EYA3: variants seen among roughly 807,000 people sequenced by gnomAD.
EYA3 encodes the protein EYA transcriptional coactivator and phosphatase 3.
EYA3 carries 39 observed loss-of-function variants against 80.0 expected under a neutral mutation model. The observed-to-expected ratio is 0.49, with a 90% CI of 0.38 to 0.64. The LOEUF (loss-of-function observed/expected upper bound fraction) is 0.64, where lower values mean the gene tolerates loss of function less well. Ranked by LOEUF, EYA3 falls within the 30% of genes least tolerant of loss-of-function variation. The pLI is 0.00. For synonymous variants in EYA3, 206 were observed against 232.8 expected (o/e 0.88, Z 1.05); for missense variants, 523 against 676.1 (o/e 0.77, Z 2.51).
At chr1:28,054,630 G>A (rs561019958) in intron 2 of EYA3, among the ~76,000 whole-genome samples, 3 of 152,154 alleles carry the variant, frequency 2.0e-5, no homozygotes, top group Non-Finnish European at 4.4e-5. Flanking sequence ...AGGACAAGGT[G>A]GGGGACCTGC....
intron 16 of EYA3, among the ~76,000 whole-genome samples, chr1:27,985,586 C>CT (rs1279639675): frequency 6.6e-6 from 1 of 152,066 alleles, no homozygotes; most frequent in Non-Finnish European, 1.5e-5. Flanking sequence ...CTACTCACTT[C>CT]TTTTTTTGTT....
chr1:28,049,576 A>G (rs1344415159), intron 2 of EYA3, among the ~76,000 whole-genome samples: 1 of 152,216 alleles, frequency 6.6e-6, no homozygotes, highest in Non-Finnish European at 1.5e-5. Context: ...AAACTTCTAT[A>G]TGATAAAAGA....
rs779278913 is a variant in EYA3, at chr1:27,978,480, G to A, written c.1541-6C>T. ...CTCAAAGCAGCTCTCCTTACCTGATGAGAAAAAGAAATTTCCTGTTAGAAT... is the reference window on the plus strand; with the variant it reads ...CTCAAAGCAGCTCTCCTTACCTGATAAGAAAAAGAAATTTCCTGTTAGAAT... On this transcript the variant is annotated splice_region_variant and splice_polypyrimidine_tract_variant and intron_variant, in intron 16 of 17. Coordinates refer to ENST00000373871, the MANE Select transcript of EYA3 (RefSeq NM_001990.4). The A allele has an allele frequency of 3.7e-6, 6 of 1,610,694 alleles. No homozygotes were observed. The highest frequency in any genetic ancestry group is 4.2e-6 in the Non-Finnish European group (5 of 1,177,186).
intron 6 of EYA3, among the ~76,000 whole-genome samples, chr1:28,035,000 A>C (rs1643365273): frequency 6.6e-6 from 1 of 152,138 alleles, no homozygotes; most frequent in Admixed American, 6.5e-5. Flanking sequence ...AAGACACCTA[A>C]AACCAATGAA....
intron 12 of EYA3, among the ~76,000 whole-genome samples, chr1:27,997,710 C>G (rs1238055202): frequency 6.6e-6 from 1 of 152,216 alleles, no homozygotes; most frequent in Non-Finnish European, 1.5e-5. Context: ...AGTCCTATTA[C>G]AATGCAGGTC....
rs1045558396 is a variant in EYA3, at chr1:28,009,002, C to T, written c.909+1945G>A. ...AAAAATGGGAAATAACAAGTGTTGG[C>T]GAGGATGTGAACAAACTGGAACCTT... is the stretch of plus-strand genomic sequence containing the variant. On this transcript the variant is annotated intron_variant, in intron 10 of 17. Transcript: ENST00000373871. The surrounding 1 kb of genome is among the most constrained non-coding windows in gnomAD (Gnocchi z 4.8). 2.0e-5 allele frequency among the ~76,000 whole-genome samples: 3 copies of T among 152,084 alleles called. No homozygotes were observed. The highest frequency in any genetic ancestry group is 2.9e-5 in the Non-Finnish European group (2 of 68,006).
chr1:28,074,843 TTTG>T (rs1471578580), intron 1 of EYA3, among the ~76,000 whole-genome samples: 1 of 152,254 alleles, frequency 6.6e-6, no homozygotes, highest in African/African-American at 2.4e-5. Context: ...CTACCAGGTA[TTTG>T]TTGTTATTAC....
At chr1:28,020,268 C>A (rs947373677) in intron 7 of EYA3, among the ~76,000 whole-genome samples, 1 of 152,128 alleles carries the variant, frequency 6.6e-6, no homozygotes, top group Non-Finnish European at 1.5e-5. Flanking sequence ...TCACAAATTT[C>A]TCTGAGCAAT....
At chr1:28,015,961 C>T (rs1642030274) in intron 8 of EYA3, among the ~76,000 whole-genome samples, 1 of 151,998 alleles carries the variant, frequency 6.6e-6, no homozygotes, top group African/African-American at 2.4e-5. Context: ...ATATGTTGAA[C>T]TTAGGGAAAC....
intron 10 of EYA3, among the ~76,000 whole-genome samples, chr1:28,005,576 C>T (rs1641203909): frequency 6.6e-6 from 1 of 151,690 alleles, no homozygotes; most frequent in African/African-American, 2.4e-5. Flanking sequence ...TTACCCAGTT[C>T]CGGTGGTGCA....
At chr1:28,053,435 G>A (rs1320897183) in intron 2 of EYA3, among the ~76,000 whole-genome samples, 1 of 152,130 alleles carries the variant, frequency 6.6e-6, no homozygotes, top group Non-Finnish European at 1.5e-5. Context: ...CTGCTACAAT[G>A]TATAATCACA....
Position 27,972,679 on chromosome 1 carries a change from T to C in EYA3, c.*1787A>G, listed in dbSNP as rs995833625. 3 of 152,264 alleles carry C rather than the reference T, an allele frequency of 2.0e-5. No individual in the cohort carries two copies. Among genetic ancestry groups the C allele is most frequent in the Non-Finnish European group, 4.4e-5 (3 of 68,054 alleles). The allele number at this position is 152,264 out of a possible 1,614,324, so 9.4% of individuals were successfully genotyped here. A position where few individuals can be genotyped will look rare whatever the true frequency, so the allele number is the denominator to read the frequency against. ...GGTGCTTGTATCATCTCTCTCTGTGTAGCCTGGGAGAGGCTGAACTTCCTC... is the reference window on the plus strand; with the variant it reads ...GGTGCTTGTATCATCTCTCTCTGTGCAGCCTGGGAGAGGCTGAACTTCCTC... On this transcript the variant is annotated 3_prime_UTR_variant, in exon 18 of 18. Coordinates refer to ENST00000373871, the MANE Select transcript of EYA3 (RefSeq NM_001990.4).
At chr1:27,977,647 G>A (rs1035482693) in intron 17 of EYA3, among the ~76,000 whole-genome samples, 13 of 151,876 alleles carry the variant, frequency 8.6e-5, no homozygotes, top group South Asian at 2.1e-4. Flanking sequence ...TCAGGAGTTC[G>A]AGACCAGCCT....
chr1:27,991,573 A>G (rs192473534), intron 14 of EYA3, among the ~76,000 whole-genome samples: 230 of 152,288 alleles, frequency 1.5e-3, no homozygotes, highest in African/African-American at 5.3e-3. Context: ...ATAAAAGCAG[A>G]TGGCATTTTT....
chr1:28,001,656 G>A lies in EYA3; in HGVS notation c.994-1607C>T, dbSNP rs572419626. On this transcript the variant is annotated intron_variant, in intron 11 of 17. Coordinates refer to ENST00000373871, the MANE Select transcript of EYA3 (RefSeq NM_001990.4). ...CAGGGGACTGAGGCAGGAGAATAGC[G>A]TGAACCTGGGAGGTGGAGCTTGCAG... Among the ~76,000 whole-genome samples the A allele has an allele frequency of 3.7e-4, 55 of 147,166 alleles. No homozygotes were observed. The East Asian group carries it at 9.8e-3, about 26-fold the overall frequency.
chr1:28,085,459 T>G (rs1395166363), intron 1 of EYA3, among the ~76,000 whole-genome samples: 1 of 151,700 alleles, frequency 6.6e-6, no homozygotes, highest in African/African-American at 2.4e-5. Flanking sequence ...GTTTTTTGTC[T>G]CAAAAAAACA....
chr1:28,027,731 T>C, intron 7 of EYA3, 58 bp downstream of exon 7: 1 of 1,605,778 alleles, frequency 6.2e-7, no homozygotes, highest in Non-Finnish European at 8.5e-7. Flanking sequence ...ACAGGTAGAT[T>C]AAAAACAAGA....
chr1:28,085,839 C>T (rs1645632992), intron 1 of EYA3, among the ~76,000 whole-genome samples: 1 of 152,138 alleles, frequency 6.6e-6, no homozygotes, highest in South Asian at 2.1e-4. Flanking sequence ...CAGCATGGAA[C>T]ACAACTGCTC....
At position 27,986,677 on chromosome 1, in the gene EYA3, G is replaced by A. The variant is rs570577045; in HGVS notation, c.1540+1858C>T. Among the ~76,000 whole-genome samples the A allele has an allele frequency of 5.9e-5, 9 of 151,840 alleles. No individual in the cohort carries two copies. The South Asian group carries it at 1.5e-3, about 25-fold the overall frequency. On this transcript the variant is annotated intron_variant, in intron 16 of 17. Coordinates refer to ENST00000373871, the MANE Select transcript of EYA3 (RefSeq NM_001990.4). ...CTCCCAAAGTGCTGGGATTACAGGC[G>A]TGAGCCACTGTGCCTGGCTTCTCTT...
Sources: allele counts gnomAD v4.1 joint callset (sites outside exome capture counted in the v4.1 genomes callset), GRCh38; gene constraint gnomAD v4.1.1; non-coding constraint Gnocchi (gnomAD v3.1); transcripts MANE v1.5; gene names NCBI Gene and HGNC (gene_info 2026-07-23, HGNC 2026-07-21).